Variants in LINGO1 observed in about 807,000 individuals in gnomAD.
LINGO1 encodes the protein leucine rich repeat and Ig domain containing 1.
LINGO1 carries 11 observed loss-of-function variants against 37.3 expected under a neutral mutation model. The ratio of observed to expected loss-of-function variants is 0.29; its 90% CI spans 0.19 to 0.49. The LOEUF is 0.49. Among genes scored for constraint, LINGO1 ranks in the 20% least tolerant of loss-of-function variants. LINGO1 has a pLI of 0.99. For synonymous variants in LINGO1, 387 were observed against 403.0 expected (o/e 0.96, Z 0.48); for missense variants, 585 against 878.2 (o/e 0.67, Z 4.22).
At chr15:77,639,294 T>C (rs143893273), upstream of LINGO1, among the ~76,000 whole-genome samples, 1,265 of 152,176 alleles carry the variant, frequency 8.3e-3, 9 homozygotes, top group South Asian at 0.016. Context: ...TTTGGAGTGA[T>C]TTGTTATGCA....
intron 1 of LINGO1, among the ~76,000 whole-genome samples, chr15:77,742,255 GC>G (rs1461059189): frequency 6.6e-6 from 1 of 152,220 alleles, no homozygotes; most frequent in Non-Finnish European, 1.5e-5. Flanking sequence ...GCCCAGGCTG[GC>G]CCCCACCCTG....
intron 1 of LINGO1, chr15:77,690,935 G>A (rs1362503814): frequency 1.3e-5 from 2 of 152,292 alleles, no homozygotes; most frequent in Non-Finnish European, 2.9e-5. Flanking sequence ...TGAGTGGTAG[G>A]GTTCACAAGC....
intron 1 of LINGO1, among the ~76,000 whole-genome samples, chr15:77,748,225 A>G (rs58619842): frequency 0.34 from 51,983 of 152,120 alleles, 9,866 homozygotes; most frequent in Admixed American, 0.46. Context: ...CTAAGAGGGC[A>G]GTGCCTTCAC....
In LINGO1 at chr15:77,761,252, A is replaced by C. The variant is rs375726125; in HGVS notation, c.-257+25617T>G. Among the ~76,000 whole-genome samples, 18 of 152,136 alleles carry C rather than the reference A, an allele frequency of 1.2e-4. No individual in the cohort carries two copies. In the East Asian group the frequency reaches 1.9e-3, roughly 16 times the overall value. Reference sequence around the variant, plus strand: ...GCCCAAGTATCCATTTTTAATTCACATCTTTCTATTAAACCAAAAATTTGC... The same window carrying C: ...GCCCAAGTATCCATTTTTAATTCACCTCTTTCTATTAAACCAAAAATTTGC... On this transcript the variant is annotated intron_variant, in intron 1 of 3. Transcript: ENST00000561686.
intron 2 of LINGO1, among the ~76,000 whole-genome samples, chr15:77,719,370 G>A (rs1373255030): frequency 3.3e-5 from 5 of 149,874 alleles, no homozygotes; most frequent in Admixed American, 6.7e-5. Flanking sequence ...TAGGAGAAGG[G>A]ATGGTGGTCA....
chr15:77,740,652 G>A (rs1427916665), intron 1 of LINGO1, among the ~76,000 whole-genome samples: 20 of 152,180 alleles, frequency 1.3e-4, no homozygotes, highest in Admixed American at 5.2e-4. Flanking sequence ...TCCAATCAGC[G>A]AGGGCTGGAG....
At chr15:77,774,157 AGGTGTGGGGG>A (rs2076613380) in intron 1 of LINGO1, among the ~76,000 whole-genome samples, 1 of 152,128 alleles carries the variant, frequency 6.6e-6, no homozygotes, top group African/African-American at 2.4e-5. Context: ...TACCTCTCCC[AGGTGTGGGGG>A]CACAGCCTAG....
intron 2 of LINGO1, among the ~76,000 whole-genome samples, chr15:77,731,516 T>C (rs1414774543): frequency 6.6e-6 from 1 of 152,146 alleles, no homozygotes; most frequent in African/African-American, 2.4e-5. Context: ...TCAGCTTCCA[T>C]ATGTGGGCCT....
At chr15:77,717,968 G>A (rs377588814) in intron 2 of LINGO1, among the ~76,000 whole-genome samples, 12 of 150,972 alleles carry the variant, frequency 7.9e-5, no homozygotes, top group African/African-American at 2.9e-4. Context: ...TGCTCCCTCC[G>A]CACAGGCAGA....
At chr15:77,677,735 C>A (rs563868824) in intron 2 of LINGO1, among the ~76,000 whole-genome samples, 9 of 152,218 alleles carry the variant, frequency 5.9e-5, no homozygotes, top group African/African-American at 2.2e-4. Context: ...CAGTGACACC[C>A]CGATCCACCC....
At chr15:77,652,155 G>A (rs969759037) in intron 3 of LINGO1, 2 of 152,154 alleles carry the variant, frequency 1.3e-5, no homozygotes, top group Non-Finnish European at 2.9e-5. Flanking sequence ...CACCCACTTT[G>A]GGTAAATCTT....
At chr15:77,733,699 C>T (rs1287464530) in intron 2 of LINGO1, among the ~76,000 whole-genome samples, 1 of 152,214 alleles carries the variant, frequency 6.6e-6, no homozygotes, top group Non-Finnish European at 1.5e-5. Flanking sequence ...GTTTCTTGTA[C>T]ACTTAAAAAG....
At chr15:77,631,737 G>A (rs1596015755) in intron 1 of LINGO1, among the ~76,000 whole-genome samples, 1 of 152,340 alleles carries the variant, frequency 6.6e-6, no homozygotes, top group East Asian at 1.9e-4. Flanking sequence ...GGGCGCTCCC[G>A]GTCCCCAACT....
chr15:77,750,986 G>A (rs2076365264), intron 1 of LINGO1, among the ~76,000 whole-genome samples: 1 of 152,180 alleles, frequency 6.6e-6, no homozygotes, highest in African/African-American at 2.4e-5. Context: ...TTGGGGCGAG[G>A]AGGAGGTCAG....
intron 1 of LINGO1, chr15:77,696,357 A>T (rs1291398298): frequency 1.3e-5 from 2 of 150,412 alleles, no homozygotes; most frequent in Non-Finnish European, 3.0e-5. Context: ...CTCTCCTCTT[A>T]CTCCCTCCAT....
At chr15:77,701,948 G>C (rs1478624669) in intron 2 of LINGO1, among the ~76,000 whole-genome samples, 1 of 152,188 alleles carries the variant, frequency 6.6e-6, no homozygotes. Flanking sequence ...AGGAGTTTGG[G>C]GGTGTGGTTT....
At chr15:77,620,087 G>A (rs72744581) in intron 1 of LINGO1, among the ~76,000 whole-genome samples, 3,648 of 152,350 alleles carry the variant, frequency 0.024, 56 homozygotes, top group Middle Eastern at 0.045. Context: ...AAACTGCTGA[G>A]TGGGCAATGT....
At chr15:77,661,395 T>C (rs1181088650) in intron 3 of LINGO1, among the ~76,000 whole-genome samples, 2 of 152,134 alleles carry the variant, frequency 1.3e-5, no homozygotes, top group African/African-American at 4.8e-5. Flanking sequence ...GAGGAGCTAC[T>C]CCCAGCTCTG....
chr15:77,710,078 C>T (rs2075900170), intron 2 of LINGO1, among the ~76,000 whole-genome samples: 1 of 152,204 alleles, frequency 6.6e-6, no homozygotes, highest in Non-Finnish European at 1.5e-5. Context: ...GAGAGGGTGG[C>T]CGAGGGAAGC....
Sources: gnomAD v4.1 joint callset for allele counts (sites outside exome capture counted in the v4.1 genomes callset) on GRCh38, gnomAD v4.1.1 for gene constraint, MANE v1.5 for transcripts, NCBI Gene and HGNC (gene_info 2026-07-23, HGNC 2026-07-21) for gene names.